MKLN1: variants seen among roughly 807,000 people sequenced by gnomAD.
MKLN1 encodes the protein muskelin 1.
Under a neutral mutation model 99.0 loss-of-function variants are expected in MKLN1, and 18 were observed. The observed-to-expected ratio is 0.18, with a 90% CI of 0.13 to 0.27. MKLN1 has a LOEUF of 0.27. Ranked by LOEUF, MKLN1 falls within the 10% of genes least tolerant of loss-of-function variation. MKLN1 has a pLI of 1.00. For synonymous variants in MKLN1, 288 were observed against 293.2 expected (o/e 0.98, Z 0.18); for missense variants, 621 against 875.9 (o/e 0.71, Z 3.67).
intron 12 of MKLN1, among the ~76,000 whole-genome samples, chr7:131,455,366 T>C (rs528681102): frequency 2.0e-5 from 3 of 152,328 alleles, no homozygotes; most frequent in South Asian, 2.1e-4. Flanking sequence ...TTCAGACATA[T>C]AGATAAAATT....
chr7:131,181,861 T>C (rs1796381960), intron 2 of MKLN1, among the ~76,000 whole-genome samples: 1 of 152,150 alleles, frequency 6.6e-6, no homozygotes, highest in South Asian at 2.1e-4. Flanking sequence ...GATTTCACCA[T>C]ATTGGTCAGG....
intron 17 of MKLN1, among the ~76,000 whole-genome samples, chr7:131,483,479 C>A (rs1797181796): frequency 6.6e-6 from 1 of 152,138 alleles, no homozygotes; most frequent in African/African-American, 2.4e-5. Flanking sequence ...TAATATATAA[C>A]CACGTATTAT....
chr7:131,475,448 A>G (rs984955060), intron 16 of MKLN1, among the ~76,000 whole-genome samples: 2 of 152,228 alleles, frequency 1.3e-5, no homozygotes, highest in African/African-American at 4.8e-5. Flanking sequence ...ACAATTTTAC[A>G]TAGACTCTCA....
chr7:131,392,566 T>G (rs921740489), intron 4 of MKLN1, among the ~76,000 whole-genome samples: 6 of 152,046 alleles, frequency 3.9e-5, no homozygotes, highest in African/African-American at 1.2e-4. Flanking sequence ...TCTTTCAGAA[T>G]AGTTAATCTT....
chr7:131,356,609 C>T (rs1038464045), intron 1 of MKLN1, among the ~76,000 whole-genome samples: 1 of 152,136 alleles, frequency 6.6e-6, no homozygotes, highest in Non-Finnish European at 1.5e-5. Flanking sequence ...CGATATCCGG[C>T]CAGGCCCAAG....
At chr7:131,325,906 G>C (rs543718307), upstream of MKLN1, among the ~76,000 whole-genome samples, 3 of 149,196 alleles carry the variant, frequency 2.0e-5, no homozygotes, top group South Asian at 4.4e-4. Context: ...AAAGTGGGGG[G>C]GGGGTGGTGG....
chr7:131,174,479 T>G (rs1796264182), intron 2 of MKLN1, among the ~76,000 whole-genome samples: 1 of 152,182 alleles, frequency 6.6e-6, no homozygotes, highest in Admixed American at 6.5e-5. Flanking sequence ...TGATTTCATA[T>G]GTTGCATTTT....
intron 3 of MKLN1, among the ~76,000 whole-genome samples, chr7:131,293,731 A>G (rs1798253364): frequency 1.3e-5 from 2 of 152,212 alleles, no homozygotes; most frequent in South Asian, 4.1e-4. Flanking sequence ...ACTTGAGACC[A>G]GGAGTTTGAG....
chr7:131,293,265 C>T (rs1212010142), intron 3 of MKLN1, among the ~76,000 whole-genome samples: 1 of 152,170 alleles, frequency 6.6e-6, no homozygotes, highest in Non-Finnish European at 1.5e-5. Context: ...TACCAAATGA[C>T]TTGGATGAAT....
chr7:131,308,028 G>A (rs1240941368), intron 3 of MKLN1, among the ~76,000 whole-genome samples: 1 of 152,102 alleles, frequency 6.6e-6, no homozygotes, highest in East Asian at 1.9e-4. Context: ...GGATCATAGG[G>A]GCAGATTTCC....
At chr7:131,205,516 C>T (rs1796797189) in intron 3 of MKLN1, among the ~76,000 whole-genome samples, 1 of 152,158 alleles carries the variant, frequency 6.6e-6, no homozygotes, top group Admixed American at 6.6e-5. Flanking sequence ...CAACATTTCA[C>T]TTATTCCATA....
chr7:131,174,482 T>C (rs1284881702), intron 2 of MKLN1, among the ~76,000 whole-genome samples: 1 of 152,176 alleles, frequency 6.6e-6, no homozygotes, highest in Non-Finnish European at 1.5e-5. Flanking sequence ...TTTCATATGT[T>C]GCATTTTCCT....
At chr7:131,206,923 G>A (rs1375180389) in intron 3 of MKLN1, among the ~76,000 whole-genome samples, 1 of 152,120 alleles carries the variant, frequency 6.6e-6, no homozygotes, top group Non-Finnish European at 1.5e-5. Flanking sequence ...GATTTAAAAT[G>A]TTGCCAAGGC....
intron 3 of MKLN1, among the ~76,000 whole-genome samples, chr7:131,284,797 A>C (rs1363834249): frequency 6.6e-6 from 1 of 152,038 alleles, no homozygotes; most frequent in Non-Finnish European, 1.5e-5. Flanking sequence ...CACTGTGTGG[A>C]GCATTTGTGG....
intron 4 of MKLN1, among the ~76,000 whole-genome samples, chr7:131,392,728 C>T (rs1178931987): frequency 6.6e-6 from 1 of 151,846 alleles, no homozygotes; most frequent in Non-Finnish European, 1.5e-5. Context: ...GCCTCAGCCT[C>T]CTAAGTAGCC....
At chr7:131,183,245 T>C (rs1480734366) in intron 2 of MKLN1, among the ~76,000 whole-genome samples, 1 of 152,194 alleles carries the variant, frequency 6.6e-6, no homozygotes, top group East Asian at 1.9e-4. Flanking sequence ...ACAGACATTA[T>C]CTTATTTGAT....
chr7:131,411,430 G>A (rs377639614), intron 7 of MKLN1, 47 bp downstream of exon 7: 7 of 1,277,680 alleles, frequency 5.5e-6, no homozygotes, highest in African/African-American at 1.5e-5. Flanking sequence ...TAATGTCTCA[G>A]TCTTCAGTTT....
chr7:131,199,697 AT>A (rs1796697791), intron 2 of MKLN1, among the ~76,000 whole-genome samples: 3 of 152,314 alleles, frequency 2.0e-5, no homozygotes, highest in Admixed American at 2.0e-4. Context: ...GAGTCTTTTA[AT>A]TTTTTAAAAA....
At chr7:131,473,365 A>G (rs1447629822) in intron 16 of MKLN1, among the ~76,000 whole-genome samples, 2 of 149,990 alleles carry the variant, frequency 1.3e-5, no homozygotes, top group Non-Finnish European at 1.5e-5. Context: ...TGTTTTTTAG[A>G]TTTTTTTTTT....
Sources: gnomAD v4.1 joint callset for allele counts (sites outside exome capture counted in the v4.1 genomes callset) on GRCh38, gnomAD v4.1.1 for gene constraint, MANE v1.5 for transcripts, NCBI Gene and HGNC (gene_info 2026-07-23, HGNC 2026-07-21) for gene names.